COPG2: variants seen among roughly 807,000 people sequenced by gnomAD.
The protein encoded by COPG2 is coatomer subunit gamma-2.
COPG2 carries 37 observed loss-of-function variants against 46.3 expected under a neutral mutation model. The observed-to-expected ratio is 0.80, with a 90% CI of 0.61 to 1.05. The LOEUF is 1.05. COPG2 is among the 50% of genes least tolerant of loss of function. COPG2 has a pLI of 0.00. For missense variants in COPG2, 427 were observed against 387.8 expected (o/e 1.10, Z -0.85); for synonymous variants, 159 against 129.7 (o/e 1.23, Z -1.53).
chr7:130,658,255 T>C (rs1346418169), intron 4 of COPG2, among the ~76,000 whole-genome samples: 1 of 152,186 alleles, frequency 6.6e-6, no homozygotes, highest in Non-Finnish European at 1.5e-5. Flanking sequence ...GAATCTCACA[T>C]GCATTATGCT....
At chr7:130,656,881 C>G (rs1208333697) in intron 4 of COPG2, among the ~76,000 whole-genome samples, 1 of 151,450 alleles carries the variant, frequency 6.6e-6, no homozygotes, top group African/African-American at 2.4e-5. Flanking sequence ...TAAAATTGCT[C>G]TTTAGATTTA....
At chr7:130,512,595 G>A (rs987293836) in intron 20 of COPG2, among the ~76,000 whole-genome samples, 1 of 151,796 alleles carries the variant, frequency 6.6e-6, no homozygotes, top group African/African-American at 2.4e-5. Context: ...GCCTGGCCAA[G>A]ATGGTGAAAC....
In COPG2 at chr7:130,507,323, C is replaced by T. The variant is rs1554440307; in HGVS notation, c.2436G>A (p.Arg812=). ...TCTTGTTCTCAGGTACTTTATCGGACCTCTCACATGGCTGCATGCCCAGAA... is the reference window on the plus strand; with the variant it reads ...TCTTGTTCTCAGGTACTTTATCGGATCTCTCACATGGCTGCATGCCCAGAA... ...ITFLGMQPCE[R]SDKVPENKNS... is the part of the protein sequence containing the mutation. The change falls in exon 23 of 24, where the codon AGG becomes AGA. Residue 812 remains arginine (R), a synonymous_variant. Transcript: ENST00000425248. 1 of 780,752 alleles carries T rather than the reference C, an allele frequency of 1.3e-6. No individual in the cohort carries two copies. Among genetic ancestry groups the T allele is most frequent in the Non-Finnish European group, 2.4e-6 (1 of 417,876 alleles). 48.4% of individuals were successfully genotyped at this position (780,752 alleles called of 1,614,324 possible). A position where few individuals can be genotyped will look rare whatever the true frequency, so the allele number is the denominator to read the frequency against.
At chr7:130,583,493 T>TAA (rs782593413) in intron 9 of COPG2, among the ~76,000 whole-genome samples, 839 of 34,382 alleles carry the variant, frequency 0.024, 103 homozygotes, top group African/African-American at 0.1. Context: ...ACATAAAGTA[T>TAA]AAAAAAAAAA....
In COPG2 at chr7:130,668,600, C is replaced by T. The variant is rs773870716; in HGVS notation, c.37+32G>A. 1,181 of 1,509,178 alleles carry T rather than the reference C, an allele frequency of 7.8e-4. 2 individuals carry two copies. The highest frequency in any genetic ancestry group is 1.2e-3 in the Admixed American group (55 of 46,952). 93.5% of individuals were successfully genotyped at this position (1,509,178 alleles called of 1,614,324 possible). On this transcript the variant is annotated intron_variant, in intron 1 of 23. Transcript: ENST00000425248. Reference sequence around the variant, plus strand: ...GGGCGGGGGAAGGGGCGTCCCGCGGCTGAGGGTGGGCCTCGGAAGCCCCGC... The same window carrying T: ...GGGCGGGGGAAGGGGCGTCCCGCGGTTGAGGGTGGGCCTCGGAAGCCCCGC...
At chr7:130,612,062 G>A in intron 8 of COPG2, 90 bp downstream of exon 8, 2 of 895,118 alleles carry the variant, frequency 2.2e-6, no homozygotes, top group South Asian at 1.4e-5. Flanking sequence ...TTTAGTTAAT[G>A]TTTATCTAGG....
chr7:130,525,277 T>C (rs1799762787), intron 20 of COPG2, among the ~76,000 whole-genome samples: 1 of 152,126 alleles, frequency 6.6e-6, no homozygotes, highest in African/African-American at 2.4e-5. Flanking sequence ...GTTCTCAAAC[T>C]GGGGCACTGA....
At chr7:130,536,909 G>A (rs1207692795) in intron 20 of COPG2, among the ~76,000 whole-genome samples, 2 of 151,964 alleles carry the variant, frequency 1.3e-5, no homozygotes, top group East Asian at 3.9e-4. Context: ...CTGTTGTCAC[G>A]GGGAGGGAAG....
At chr7:130,596,546 C>A (rs1794528882) in intron 9 of COPG2, among the ~76,000 whole-genome samples, 1 of 152,180 alleles carries the variant, frequency 6.6e-6, no homozygotes, top group Admixed American at 6.5e-5. Flanking sequence ...CCCCAGGGGC[C>A]ATGGACGCCT....
intron 9 of COPG2, among the ~76,000 whole-genome samples, chr7:130,569,235 A>G (rs1386537524): frequency 6.6e-6 from 1 of 152,130 alleles, no homozygotes; most frequent in Non-Finnish European, 1.5e-5. Flanking sequence ...TGAAACAACA[A>G]CAACAACAAA....
rs1222791718 is a variant in COPG2 at position 130,535,715 on chromosome 7, C to T, written c.2149+11959G>A. On this transcript the variant is annotated intron_variant, in intron 20 of 23. Coordinates refer to ENST00000425248, the MANE Select transcript of COPG2 (RefSeq NM_012133.6). Reference sequence around the variant, plus strand: ...TGGGGCAGGGTTAGGGGCAGTGGGACTGGGACTGGGGGAGGGGTTGGGGTG... The same window carrying T: ...TGGGGCAGGGTTAGGGGCAGTGGGATTGGGACTGGGGGAGGGGTTGGGGTG... Among the ~76,000 whole-genome samples the T allele has an allele frequency of 3.5e-4, 9 of 25,488 alleles. No homozygotes were observed. In the South Asian group the frequency reaches 3.8e-3, roughly 11 times the overall value. 16.7% of individuals were successfully genotyped at this position (25,488 alleles called of 152,430 possible).
At chr7:130,538,121 A>C (rs950174144) in intron 20 of COPG2, among the ~76,000 whole-genome samples, 2 of 152,144 alleles carry the variant, frequency 1.3e-5, no homozygotes, top group Admixed American at 6.5e-5. Flanking sequence ...GAGTTCAGGA[A>C]AGATTCCTGA....
chr7:130,603,828 C>T (rs1794681948), intron 9 of COPG2: 1 of 519,180 alleles, frequency 1.9e-6, no homozygotes. Context: ...AGTGCCAACC[C>T]CCATGTAGCT....
At chr7:130,550,401 G>A (rs1208887754) in intron 17 of COPG2, 123 bp downstream of exon 17, 21 of 237,932 alleles carry the variant, frequency 8.8e-5, no homozygotes, top group Non-Finnish European at 1.1e-4. Flanking sequence ...ACGGGAGTGA[G>A]ACTCTATCTC....
At chr7:130,610,205 C>T (rs1554451835) in intron 9 of COPG2, 1 of 435,434 alleles carries the variant, frequency 2.3e-6, no homozygotes, top group Admixed American at 2.9e-5. Context: ...AAGTGCAGGT[C>T]CTTTTTCATT....
intron 4 of COPG2, among the ~76,000 whole-genome samples, chr7:130,658,434 T>C (rs1277086141): frequency 2.0e-5 from 3 of 152,054 alleles, no homozygotes; most frequent in Non-Finnish European, 4.4e-5. Context: ...TTTGAGGAGA[T>C]GGAAATGTTC....
chr7:130,553,881 C>G (rs1793574225), intron 14 of COPG2, among the ~76,000 whole-genome samples: 2 of 152,076 alleles, frequency 1.3e-5, no homozygotes, highest in African/African-American at 4.8e-5. Flanking sequence ...TGAGTGTAAA[C>G]AAAGGTAAGA....
At chr7:130,568,292 C>G (rs1793838406) in intron 9 of COPG2, among the ~76,000 whole-genome samples, 5 of 152,036 alleles carry the variant, frequency 3.3e-5, no homozygotes, top group Non-Finnish European at 7.4e-5. Context: ...AAGAATCCAC[C>G]AACCAAGTCC....
chr7:130,636,983 G>A (rs1480366048), intron 5 of COPG2, among the ~76,000 whole-genome samples: 7 of 152,242 alleles, frequency 4.6e-5, no homozygotes, highest in Admixed American at 3.9e-4. Flanking sequence ...CACTTATGAA[G>A]GTTAGTTTGT....
Sources: allele counts gnomAD v4.1 joint callset (sites outside exome capture counted in the v4.1 genomes callset), GRCh38; gene constraint gnomAD v4.1.1; transcripts MANE v1.5; gene names NCBI Gene and HGNC (gene_info 2026-07-23, HGNC 2026-07-21).